Variants in SLC9B1 observed in about 807,000 individuals in gnomAD.
SLC9B1 encodes solute carrier family 9 member B1.
Under a neutral mutation model 51.7 loss-of-function variants are expected in SLC9B1, and 32 were observed. The observed-to-expected ratio is 0.62, with a 90% CI of 0.47 to 0.83. The LOEUF is 0.83. SLC9B1 is among the 40% of genes least tolerant of loss of function. The pLI is 0.00. For synonymous variants in SLC9B1, 145 were observed against 212.7 expected (o/e 0.68, Z 2.77); for missense variants, 406 against 613.2 (o/e 0.66, Z 3.57).
chr4:102,960,196 G>T (rs1329649407), intron 3 of SLC9B1, among the ~76,000 whole-genome samples: 1 of 109,232 alleles, frequency 9.2e-6, no homozygotes, highest in Non-Finnish European at 1.8e-5. Context: ...TAATGAACTT[G>T]ACTATATTAT....
intron 1 of SLC9B1, among the ~76,000 whole-genome samples, chr4:103,008,130 A>G (rs1406804357): frequency 6.6e-6 from 1 of 152,246 alleles, no homozygotes; most frequent in Non-Finnish European, 1.5e-5. Flanking sequence ...TGAGGTAGAT[A>G]TAAGTACATA....
chr4:102,941,369 C>T (rs923923474), intron 6 of SLC9B1: 47 of 414,146 alleles, frequency 1.1e-4, no homozygotes, highest in African/African-American at 6.6e-4. Flanking sequence ...AAGACAAACA[C>T]GTAGTCAACA....
At chr4:102,983,115 G>A (rs1227135362) in intron 3 of SLC9B1, among the ~76,000 whole-genome samples, 2 of 152,058 alleles carry the variant, frequency 1.3e-5, no homozygotes, top group African/African-American at 4.8e-5. Context: ...ATTGGATTTT[G>A]TCAGATACCT....
At chr4:102,929,046 T>A (rs1246016009) in intron 7 of SLC9B1, among the ~76,000 whole-genome samples, 1 of 152,188 alleles carries the variant, frequency 6.6e-6, no homozygotes, top group African/African-American at 2.4e-5. Context: ...TGAGGGTGGA[T>A]CTGCCTCTCC....
chr4:102,913,387 T>C (rs962264717), intron 7 of SLC9B1, among the ~76,000 whole-genome samples: 6 of 152,128 alleles, frequency 3.9e-5, no homozygotes, highest in African/African-American at 1.4e-4. Flanking sequence ...CTACTTGGGA[T>C]GTTGCAATGT....
At chr4:102,951,957 A>ATTTTT (rs1415522685) in intron 3 of SLC9B1, among the ~76,000 whole-genome samples, 2 of 9,530 alleles carry the variant, frequency 2.1e-4, no homozygotes, top group Admixed American at 1.5e-3. Context: ...GCAAAAATAA[A>ATTTTT]ATCTTTTTTT....
chr4:102,998,959 A>G (rs1402929723), intron 1 of SLC9B1, among the ~76,000 whole-genome samples: 1 of 152,102 alleles, frequency 6.6e-6, no homozygotes, highest in Admixed American at 6.5e-5. Context: ...TCCTGGGCTC[A>G]AGGGATCCTC....
rs573929342 is a variant in SLC9B1, at chr4:102,929,922, C to T, written c.829+2202G>A. Among the ~76,000 whole-genome samples, 11 of 152,336 alleles carry T rather than the reference C, an allele frequency of 7.2e-5. No homozygotes were observed. The East Asian group carries it at 1.7e-3, about 24-fold the overall frequency. ...GATTTTCACAATTGACAATAAAAAA[C>T]TTTAACTTCTGAATGGTAAAAAGAG... On this transcript the variant is annotated intron_variant, in intron 7 of 11. Coordinates refer to ENST00000296422, the MANE Select transcript of SLC9B1 (RefSeq NM_139173.4).
chr4:102,885,786 T>C (rs1436100986), intron 11 of SLC9B1, among the ~76,000 whole-genome samples: 1 of 152,228 alleles, frequency 6.6e-6, no homozygotes, highest in Non-Finnish European at 1.5e-5. Flanking sequence ...ATGAGTTTGG[T>C]TGGACAAGTT....
At chr4:102,951,960 C>CTTTTTTTTTTTT (rs765709645) in intron 3 of SLC9B1, among the ~76,000 whole-genome samples, 1,208 of 6,424 alleles carry the variant, frequency 0.19, 423 homozygotes, top group East Asian at 0.44. Flanking sequence ...AAAATAAAAT[C>CTTTTTTTTTTTT]TTTTTTTTTT....
intron 1 of SLC9B1, among the ~76,000 whole-genome samples, chr4:103,012,897 A>C (rs1741153528): frequency 6.6e-6 from 1 of 152,198 alleles, no homozygotes; most frequent in African/African-American, 2.4e-5. Flanking sequence ...GGACTTTTAT[A>C]ATACATTCAT....
intron 3 of SLC9B1, among the ~76,000 whole-genome samples, chr4:102,955,028 G>C (rs1324788575): frequency 2.0e-5 from 3 of 152,140 alleles, no homozygotes; most frequent in Non-Finnish European, 2.9e-5. Flanking sequence ...TAGGGTTTTG[G>C]GTAGGATTGG....
chr4:102,906,953 T>A (rs1266454058), intron 9 of SLC9B1, among the ~76,000 whole-genome samples: 1 of 152,124 alleles, frequency 6.6e-6, no homozygotes, highest in East Asian at 1.9e-4. Context: ...AGAACTCCTG[T>A]CCTCAAGTGG....
chr4:102,938,646 A>T (rs537372415), intron 6 of SLC9B1, among the ~76,000 whole-genome samples: 3 of 152,288 alleles, frequency 2.0e-5, no homozygotes, highest in East Asian at 3.9e-4. Flanking sequence ...CAATAAATTT[A>T]AGAAAACCCC....
rs112965640 is a variant in SLC9B1, at chr4:102,959,763, A to T, written c.212-10336T>A. The stretch of plus-strand genomic sequence containing the variant: ...CCAAGGATTTGTTCTCAGTGACAAG[A>T]CAAATACAGAAATGGAGAGTGGTTA... On this transcript the variant is annotated intron_variant, in intron 3 of 11. Transcript: ENST00000296422. Among the ~76,000 whole-genome samples, 506 of 152,324 alleles carry T rather than the reference A, an allele frequency of 3.3e-3. 5 individuals are homozygous for T. The highest frequency in any genetic ancestry group is 0.017 in the Middle Eastern group (5 of 294).
intron 1 of SLC9B1, among the ~76,000 whole-genome samples, chr4:103,003,902 C>A (rs1740653884): frequency 6.6e-6 from 1 of 152,142 alleles, no homozygotes; most frequent in Admixed American, 6.5e-5. Context: ...ATACCACAAC[C>A]AAACCCCCAA....
chr4:102,996,803 C>G (rs978376173), intron 1 of SLC9B1, among the ~76,000 whole-genome samples: 1 of 149,718 alleles, frequency 6.7e-6, no homozygotes, highest in African/African-American at 2.5e-5. Flanking sequence ...ATTTTTTTTT[C>G]TGAGATAGGG....
chr4:102,921,844 T>G (rs1392634639), intron 7 of SLC9B1, among the ~76,000 whole-genome samples: 1 of 152,144 alleles, frequency 6.6e-6, no homozygotes, highest in Non-Finnish European at 1.5e-5. Flanking sequence ...AGGGATCAAT[T>G]CAACAAGAAG....
chr4:102,931,756 G>T (rs1179434951), intron 7 of SLC9B1, among the ~76,000 whole-genome samples: 1 of 152,118 alleles, frequency 6.6e-6, no homozygotes, highest in African/African-American at 2.4e-5. Context: ...TTGTTTATTA[G>T]GATGGCCAAA....
Sources: allele counts gnomAD v4.1 joint callset (sites outside exome capture counted in the v4.1 genomes callset), GRCh38; gene constraint gnomAD v4.1.1; transcripts MANE v1.5; gene names NCBI Gene and HGNC (gene_info 2026-07-23, HGNC 2026-07-21).